The following ANK1 variants were observed in gnomAD, a reference collection of about 807,000 sequenced individuals.
ANK1 encodes the protein ankyrin 1, also known as ankyrin-1.
ANK1 carries 51 observed loss-of-function variants against 210.4 expected under a neutral mutation model. The ratio of observed to expected loss-of-function variants is 0.24; its 90% confidence interval spans 0.19 to 0.31. The LOEUF (loss-of-function observed/expected upper bound fraction) is 0.31. Ranked by LOEUF, ANK1 falls within the 10% of genes least tolerant of loss-of-function variation. The probability of loss-of-function intolerance (pLI) is 1.00; values close to 1 mark genes in which losing one functional copy is unlikely to be tolerated. For synonymous variants in ANK1, 967 were observed against 1,025.9 expected, an observed-to-expected ratio of 0.94 and a Z score of 1.10; for missense variants, 2,051 against 2,504.4, an observed-to-expected ratio of 0.82 and a Z score of 3.86.
chr8:41,771,878 C>T (rs1350176317), intron 1 of ANK1, among the ~76,000 whole-genome samples: 2 of 152,192 alleles, frequency 1.3e-5, no homozygotes, highest in Non-Finnish European at 2.9e-5. Flanking sequence ...ACTTGATGGG[C>T]TGCTGCTGCT....
intron 1 of ANK1, among the ~76,000 whole-genome samples, chr8:41,811,024 T>C (rs1802408148): frequency 6.6e-6 from 1 of 152,228 alleles, no homozygotes; most frequent in Non-Finnish European, 1.5e-5. Context: ...GCCCCTTCTT[T>C]AGGTTTCACA....
chr8:41,664,766 C>A, intron 39 of ANK1: 3 of 1,564,404 alleles, frequency 1.9e-6, no homozygotes, highest in Non-Finnish European at 1.7e-6. Flanking sequence ...CTCCGGCGCC[C>A]ACACCACCAG....
At chr8:41,866,075 C>T (rs969708851) in intron 1 of ANK1, among the ~76,000 whole-genome samples, 10 of 152,222 alleles carry the variant, frequency 6.6e-5, no homozygotes, top group African/African-American at 1.2e-4. Context: ...TCAGTGGGGA[C>T]GTATGGAGCC....
At chr8:41,659,878 T>C (rs991805503) in intron 42 of ANK1, among the ~76,000 whole-genome samples, 3 of 151,988 alleles carry the variant, frequency 2.0e-5, no homozygotes, top group Admixed American at 6.6e-5. Context: ...CAAATTAAAA[T>C]GAAATTCAAG....
At chr8:41,831,023 G>A (rs969435053) in intron 1 of ANK1, among the ~76,000 whole-genome samples, 1 of 152,074 alleles carries the variant, frequency 6.6e-6, no homozygotes, top group Non-Finnish European at 1.5e-5. Context: ...TCCCATAAAC[G>A]GATCCCATGA....
intron 1 of ANK1, among the ~76,000 whole-genome samples, chr8:41,893,104 C>T (rs1429337872): frequency 6.6e-6 from 1 of 152,164 alleles, no homozygotes; most frequent in Non-Finnish European, 1.5e-5. Context: ...CTTTTCCTCC[C>T]ATCTTCCTGT....
intron 1 of ANK1, among the ~76,000 whole-genome samples, chr8:41,870,746 G>A (rs1316176609): frequency 1.3e-5 from 2 of 152,214 alleles, no homozygotes; most frequent in African/African-American, 4.8e-5. Flanking sequence ...CGTTAGCCGA[G>A]TCCCTGGCTT....
intron 1 of ANK1, among the ~76,000 whole-genome samples, chr8:41,788,408 T>C (rs988374059): frequency 1.3e-5 from 2 of 152,192 alleles, no homozygotes; most frequent in African/African-American, 4.8e-5. Context: ...ATTAAGTCAG[T>C]TTCCAAACCT....
At chr8:41,707,773 T>C (rs1825010549) in intron 17 of ANK1, among the ~76,000 whole-genome samples, 1 of 152,170 alleles carries the variant, frequency 6.6e-6, no homozygotes, top group Non-Finnish European at 1.5e-5. Flanking sequence ...TGGGGGTCAA[T>C]TGTTCAAATT....
At chr8:41,895,260 C>G (rs1284230671) in intron 1 of ANK1, among the ~76,000 whole-genome samples, 1 of 152,240 alleles carries the variant, frequency 6.6e-6, no homozygotes, top group African/African-American at 2.4e-5. Flanking sequence ...GGCCCCACTC[C>G]TTGCTGGGGA....
intron 1 of ANK1, among the ~76,000 whole-genome samples, chr8:41,759,256 C>T (rs563803977): frequency 2.6e-4 from 40 of 152,180 alleles, no homozygotes; most frequent in African/African-American, 9.4e-4. Context: ...ACCTGTAATC[C>T]CAGCACTTTG....
At chr8:41,751,850 A>G (rs1055129330) in intron 2 of ANK1, among the ~76,000 whole-genome samples, 6 of 151,980 alleles carry the variant, frequency 3.9e-5, no homozygotes, top group African/African-American at 1.5e-4. Flanking sequence ...AACACCTTCA[A>G]ATGACTTCAC....
intron 1 of ANK1, among the ~76,000 whole-genome samples, chr8:41,819,525 C>T (rs1803858705): frequency 6.6e-6 from 1 of 152,222 alleles, no homozygotes; most frequent in South Asian, 2.1e-4. Context: ...CCCTTGGACA[C>T]ATGGGGAACC....
intron 8 of ANK1, 67 bp downstream of exon 8, chr8:41,723,468 T>A: frequency 6.4e-7 from 1 of 1,568,486 alleles, no homozygotes; most frequent in Non-Finnish European, 8.8e-7. Flanking sequence ...GGCCCGCTGC[T>A]CTGGGTGAGG....
chr8:41,720,380 T>C (rs1158569384), intron 9 of ANK1, among the ~76,000 whole-genome samples: 4 of 152,190 alleles, frequency 2.6e-5, no homozygotes, highest in African/African-American at 9.7e-5. Context: ...AGAACTTGGA[T>C]CTAAATCCCT....
At chr8:41,792,702 A>C (rs1247642734) in intron 1 of ANK1, among the ~76,000 whole-genome samples, 6 of 152,186 alleles carry the variant, frequency 3.9e-5, no homozygotes, top group African/African-American at 7.2e-5. Context: ...GGTTCTGATG[A>C]AGTGCAATGA....
At chr8:41,729,680 G>A (rs1831614194) in intron 3 of ANK1, among the ~76,000 whole-genome samples, 1 of 152,226 alleles carries the variant, frequency 6.6e-6, no homozygotes, top group African/African-American at 2.4e-5. Context: ...ACATTCTCCG[G>A]TTTTCTTGTC....
At chr8:41,677,591 TTTG>T (rs1814581023) in intron 37 of ANK1, among the ~76,000 whole-genome samples, 2 of 124,982 alleles carry the variant, frequency 1.6e-5, no homozygotes, top group Admixed American at 1.6e-4. Context: ...TCCCTTTTTC[TTTG>T]TTTTTTTTTT....
At chr8:41,850,747 G>C (rs920524087) in intron 1 of ANK1, among the ~76,000 whole-genome samples, 1 of 152,222 alleles carries the variant, frequency 6.6e-6, no homozygotes, top group Non-Finnish European at 1.5e-5. Flanking sequence ...CTCCCAAAGT[G>C]CTGGGATTAC....
Sources: allele counts gnomAD v4.1 joint callset (sites outside exome capture counted in the v4.1 genomes callset), GRCh38; gene constraint gnomAD v4.1.1; transcripts MANE v1.5; gene names NCBI Gene and HGNC (gene_info 2026-07-23, HGNC 2026-07-21).